CUEDC1: variants seen among roughly 807,000 people sequenced by gnomAD.
The protein encoded by CUEDC1 is CUE domain containing 1, also known as CUE domain-containing protein 1.
CUEDC1 carries 30 observed loss-of-function variants against 43.7 expected under a neutral mutation model. The observed-to-expected ratio is 0.69, with a 90% CI of 0.51 to 0.93. The LOEUF is 0.93. Among genes scored for constraint, CUEDC1 ranks in the 40% least tolerant of loss-of-function variants. The pLI, the probability that CUEDC1 is intolerant of heterozygous loss-of-function variation, is 0.00. For synonymous variants in CUEDC1, 223 were observed against 223.6 expected (o/e 1.00, Z 0.02); for missense variants, 486 against 549.0 (o/e 0.89, Z 1.15).
At chr17:57,897,364 A>T (rs1458836707) in intron 1 of CUEDC1, among the ~76,000 whole-genome samples, 2 of 152,122 alleles carry the variant, frequency 1.3e-5, no homozygotes, top group Admixed American at 6.5e-5. Flanking sequence ...TCCAACCTAT[A>T]GTGTCTCTAA....
intron 1 of CUEDC1, among the ~76,000 whole-genome samples, chr17:57,943,119 C>T (rs956192636): frequency 6.6e-6 from 1 of 152,184 alleles, no homozygotes; most frequent in Non-Finnish European, 1.5e-5. Context: ...CTTTTCCCTT[C>T]AAGGCCTTAG....
chr17:57,924,249 G>A (rs1313805159), intron 1 of CUEDC1, among the ~76,000 whole-genome samples: 1 of 152,204 alleles, frequency 6.6e-6, no homozygotes, highest in Non-Finnish European at 1.5e-5. Flanking sequence ...GGGACTACGG[G>A]CGGACGCCAC....
intron 10 of CUEDC1, among the ~76,000 whole-genome samples, chr17:57,865,352 G>C (rs1309434667): frequency 6.6e-6 from 1 of 152,226 alleles, no homozygotes; most frequent in Non-Finnish European, 1.5e-5. Flanking sequence ...GTGGGGGCCA[G>C]CTGCCCAGGC....
chr17:57,905,688 T>A (rs2074523906), intron 1 of CUEDC1, among the ~76,000 whole-genome samples: 1 of 152,156 alleles, frequency 6.6e-6, no homozygotes, highest in Admixed American at 6.5e-5. Context: ...CACCTTCCAG[T>A]GCCAAATAGA....
intron 1 of CUEDC1, among the ~76,000 whole-genome samples, chr17:57,934,905 G>T (rs1348721085): frequency 6.6e-6 from 1 of 151,796 alleles, no homozygotes; most frequent in Non-Finnish European, 1.5e-5. Context: ...ACAGGGTTTC[G>T]CCATGTTGCT....
At chr17:57,924,777 G>A (rs1402701055) in intron 1 of CUEDC1, among the ~76,000 whole-genome samples, 3 of 152,236 alleles carry the variant, frequency 2.0e-5, no homozygotes, top group Admixed American at 6.5e-5. Context: ...CTGTACCACA[G>A]CCAGGTCCCT....
At chr17:57,887,242 A>G (rs529394665) in intron 1 of CUEDC1, among the ~76,000 whole-genome samples, 287 of 152,214 alleles carry the variant, frequency 1.9e-3, no homozygotes, top group Non-Finnish European at 3.5e-3. Flanking sequence ...AAAATCAAGC[A>G]CAATGAGGGA....
At chr17:57,917,703 A>G (rs2074657023) in intron 1 of CUEDC1, among the ~76,000 whole-genome samples, 1 of 152,206 alleles carries the variant, frequency 6.6e-6, no homozygotes, top group Admixed American at 6.5e-5. Context: ...CTAGGATTCA[A>G]AAATAGGTCT....
chr17:57,928,138 C>A (rs1246691199), intron 1 of CUEDC1, among the ~76,000 whole-genome samples: 3 of 152,230 alleles, frequency 2.0e-5, no homozygotes, highest in Non-Finnish European at 2.9e-5. Context: ...GTCTATGGAA[C>A]CCCTCGTCCC....
intron 1 of CUEDC1, among the ~76,000 whole-genome samples, chr17:57,928,488 A>C (rs531379571): frequency 4.5e-4 from 68 of 149,610 alleles, no homozygotes; most frequent in African/African-American, 1.5e-3. Context: ...GGTGGCGCTT[A>C]CAGTGAGCTG....
chr17:57,924,479 G>A (rs1014358493), intron 1 of CUEDC1, among the ~76,000 whole-genome samples: 1 of 152,212 alleles, frequency 6.6e-6, no homozygotes, highest in East Asian at 1.9e-4. Flanking sequence ...TTGGGGCAGA[G>A]AAGAAAGGGA....
At chr17:57,904,230 C>T (rs1237741678) in intron 1 of CUEDC1, among the ~76,000 whole-genome samples, 2 of 152,144 alleles carry the variant, frequency 1.3e-5, no homozygotes, top group Non-Finnish European at 2.9e-5. Flanking sequence ...GTCCTGGCCC[C>T]CCTACCCCAC....
At chr17:57,873,811 C>T (rs990262161) in intron 3 of CUEDC1, 94 bp from the exon 4 acceptor site, 32 of 1,328,688 alleles carry the variant, frequency 2.4e-5, no homozygotes, top group Non-Finnish European at 3.0e-5. Flanking sequence ...CAGGTCGGAT[C>T]CTGCTCAGAG....
chr17:57,893,534 C>T (rs1168822061), intron 1 of CUEDC1, among the ~76,000 whole-genome samples: 2 of 152,216 alleles, frequency 1.3e-5, no homozygotes, highest in Non-Finnish European at 2.9e-5. Flanking sequence ...AATGGAAACT[C>T]GACCCAAATG....
intron 1 of CUEDC1, among the ~76,000 whole-genome samples, chr17:57,903,697 G>A (rs375583027): frequency 6.6e-6 from 1 of 152,050 alleles, no homozygotes; most frequent in South Asian, 2.1e-4. Context: ...CCAGTGCTTT[G>A]GGTGGCTGAG....
At chr17:57,909,452 C>T (rs1002987085) in intron 1 of CUEDC1, among the ~76,000 whole-genome samples, 5 of 152,188 alleles carry the variant, frequency 3.3e-5, no homozygotes, top group African/African-American at 1.2e-4. Context: ...TTATGACTTT[C>T]TGAGGGAGAC....
At chr17:57,866,121 C>T (rs112699920) in intron 10 of CUEDC1, among the ~76,000 whole-genome samples, 1 of 152,160 alleles carries the variant, frequency 6.6e-6, no homozygotes, top group Non-Finnish European at 1.5e-5. Flanking sequence ...CCGTGCCCAG[C>T]CAGTTTTTCT....
intron 8 of CUEDC1, 127 bp downstream of exon 8, chr17:57,868,023 G>A: frequency 1.3e-6 from 1 of 746,018 alleles, no homozygotes; most frequent in Non-Finnish European, 2.3e-6. Context: ...AGGGGAGGAG[G>A]AAGGGAAGGC....
Position 57,867,378 on chromosome 17 carries a change from C to A in CUEDC1, c.1072G>T (p.Asp358Tyr), listed in dbSNP as rs1454418971. The change falls in exon 9 of 11, where the codon GAT becomes TAT. Residue 358 changes from aspartate to tyrosine, a missense_variant. Transcript: ENST00000577830. ...TCACCACACGCGTGGCCCTCCACAT[C>A]ATCCAGGAGGTTGGCTGTTGACGCG... ...AAASTANLLD[D>Y]VEGHACDEDF... 1.3e-6 allele frequency: 2 copies of A among 1,552,342 alleles called. No homozygotes were observed. Among genetic ancestry groups the A allele is most frequent in the Non-Finnish European group, 1.7e-6 (2 of 1,147,380 alleles).
Sources: allele counts gnomAD v4.1 joint callset (sites outside exome capture counted in the v4.1 genomes callset), GRCh38; gene constraint gnomAD v4.1.1; transcripts MANE v1.5; gene names NCBI Gene and HGNC (gene_info 2026-07-23, HGNC 2026-07-21).